CD209: variants seen among roughly 807,000 people sequenced by gnomAD.
The protein encoded by CD209 is CD209 antigen.
A neutral mutation model predicts 44.7 loss-of-function variants in CD209; 31 were observed. The ratio of observed to expected loss-of-function variants is 0.69; its 90% CI spans 0.52 to 0.94. The LOEUF (loss-of-function observed/expected upper bound fraction) is 0.94, where lower values mean the gene tolerates loss of function less well. Among genes scored for constraint, CD209 ranks in the 40% least tolerant of loss-of-function variants. The pLI is 0.00. For missense variants in CD209, 407 were observed against 452.4 expected, an observed-to-expected ratio of 0.90 and a Z score of 0.91; for synonymous variants, 173 against 181.3, an observed-to-expected ratio of 0.95 and a Z score of 0.37.
In CD209 at chr19:7,741,483, C is replaced by T; in HGVS notation, c.*1556G>A. ...CTCCAGCCTGGCGACAGAGCAAGAC[C>T]CCATCTTTAAAAAAAAATAGTAATT... On this transcript the variant is annotated 3_prime_UTR_variant, in exon 7 of 7. Transcript: ENST00000315599. The T allele has an allele frequency of 2.0e-6, 1 of 511,190 alleles. No homozygotes were observed. Among genetic ancestry groups the T allele is most frequent in the Admixed American group, 2.4e-5 (1 of 41,100 alleles). 31.7% of individuals were successfully genotyped at this position (511,190 alleles called of 1,614,324 possible). A position where few individuals can be genotyped will look rare whatever the true frequency, so the allele number is the denominator to read the frequency against.
In CD209 at chr19:7,741,137, A is replaced by C. The variant is rs748005219; in HGVS notation, c.*1902T>G. On this transcript the variant is annotated 3_prime_UTR_variant, in exon 7 of 7. Transcript: ENST00000315599. ...TACAGCGAGGAAGAAACCTACCAAC[A>C]GTTCCTAGATTTCTGTGAGGATGTG... 199 of 1,083,054 alleles carry C rather than the reference A, an allele frequency of 1.8e-4. 1 individual carries two copies. Among genetic ancestry groups the C allele is most frequent in the Non-Finnish European group, 2.5e-4 (183 of 744,914 alleles). 67.1% of individuals were successfully genotyped at this position (1,083,054 alleles called of 1,614,324 possible).
rs1028855436 is a variant in CD209 at position 7,745,369 on chromosome 19, C to A, written c.748+149G>T. On this transcript the variant is annotated intron_variant, in intron 4 of 6. Transcript: ENST00000315599. Reference sequence around the variant, plus strand: ...GAGTGCCTGTTGTGTACCTGGCCCACTGTGAACACTGAGGGCAATGATCAC... The same window carrying A: ...GAGTGCCTGTTGTGTACCTGGCCCAATGTGAACACTGAGGGCAATGATCAC... 1.2e-5 allele frequency: 17 copies of A among 1,470,310 alleles called. No individual in the cohort carries two copies. In the Admixed American group the frequency reaches 1.4e-4, roughly 12 times the overall value. The allele number at this position is 1,470,310 out of a possible 1,614,324, so 91.1% of individuals were successfully genotyped here. A position where few individuals can be genotyped will look rare whatever the true frequency, so the allele number is the denominator to read the frequency against.
At chr19:7,745,380 G>T in intron 4 of CD209, 138 bp downstream of exon 4, 2 of 1,509,380 alleles carry the variant, frequency 1.3e-6, no homozygotes, top group Non-Finnish European at 9.0e-7. Flanking sequence ...TGTGAACACT[G>T]AGGGCAATGA....
intron 6 of CD209, among the ~76,000 whole-genome samples, chr19:7,743,701 C>G (rs985218116): frequency 1.3e-5 from 2 of 152,074 alleles, no homozygotes; most frequent in Non-Finnish European, 2.9e-5. Flanking sequence ...GGCCCACAGT[C>G]CCCCCTCCCC....
chr19:7,744,011 G>A (rs1461848456), intron 6 of CD209, 96 bp downstream of exon 6: 6 of 1,004,454 alleles, frequency 6.0e-6, no homozygotes, highest in Non-Finnish European at 7.8e-6. Context: ...CTTGGGTCTA[G>A]GGTGTCAGGG....
intron 6 of CD209, among the ~76,000 whole-genome samples, chr19:7,743,649 G>T (rs1010478726): frequency 1.3e-5 from 2 of 152,104 alleles, no homozygotes; most frequent in Non-Finnish European, 2.9e-5. Context: ...TGTTCACCTG[G>T]CCTTGACCTT....
In CD209 at chr19:7,745,800, C is replaced by G; in HGVS notation, c.466G>C (p.Ala156Pro). The G allele has an allele frequency of 6.2e-7, 1 of 1,608,606 alleles. No individual in the cohort carries two copies. Among genetic ancestry groups the G allele is most frequent in the South Asian group, 1.1e-5 (1 of 90,952 alleles). Residue 156 changes from alanine (A) to proline (P), a missense_variant, in exon 4 of 7, where the codon GCA (alanine) becomes CCA (proline). Coordinates refer to ENST00000315599, the MANE Select transcript of CD209 (RefSeq NM_021155.4). ...GATTTCTCTGGAAGCTCACCCACTG[C>G]AGCCTTCAGCCAGGTCAGCTCCTGG... is the stretch of plus-strand genomic sequence containing the variant. The part of the protein sequence containing the change: ...IYQELTWLKA[A>P]VGELPEKSKM...
intron 3 of CD209, 60 bp downstream of exon 3, chr19:7,746,400 C>T (rs570217206): frequency 2.6e-6 from 4 of 1,561,812 alleles, no homozygotes; most frequent in South Asian, 1.1e-5. Flanking sequence ...CAGCCCCAGG[C>T]TGTGTCCACA....
At chr19:7,747,026 G>A (rs1421662271) in intron 2 of CD209, among the ~76,000 whole-genome samples, 1 of 147,648 alleles carries the variant, frequency 6.8e-6, no homozygotes, top group Non-Finnish European at 1.5e-5. Flanking sequence ...CACCTCTCCA[G>A]GACCCAGGAG....
Position 7,740,275 on chromosome 19 carries a change from C to A in CD209, c.*2764G>T, listed in dbSNP as rs1383713599. On this transcript the variant is annotated 3_prime_UTR_variant, in exon 7 of 7. Transcript: ENST00000315599. ...CACTTAGGTTCCACGTGGATTTGCACGCTTCGTTCATCTGGACATGCCCAG... is the reference window on the plus strand; with the variant it reads ...CACTTAGGTTCCACGTGGATTTGCAAGCTTCGTTCATCTGGACATGCCCAG... 2 of 438,142 alleles carry A rather than the reference C, an allele frequency of 4.6e-6. No individual in the cohort carries two copies. Among genetic ancestry groups the A allele is most frequent in the Non-Finnish European group, 8.4e-6 (2 of 239,130 alleles). 27.1% of individuals were successfully genotyped at this position (438,142 alleles called of 1,614,324 possible).
In CD209 at chr19:7,743,181, T is replaced by G. The variant is rs767685744; in HGVS notation, c.1073A>C (p.Glu358Ala). ...GTCGTTCCAGCCATTGCCACTAAAT[T>G]CCGCGCAGTCTTCCTCCCCAACGTT... ...PNNVGEEDCA[E>A]FSGNGWNDDK... The change falls in exon 7 of 7, where the codon GAA becomes GCA. Residue 358 changes from glutamate (E) to alanine (A), a missense_variant. Coordinates refer to ENST00000315599, the MANE Select transcript of CD209 (RefSeq NM_021155.4). 2.2e-5 allele frequency: 35 copies of G among 1,614,048 alleles called. No homozygotes were observed. The highest frequency in any genetic ancestry group is 5.5e-5 in the South Asian group (5 of 91,074).
chr19:7,746,144 T>C (rs778970833), intron 3 of CD209, 57 bp from the exon 4 acceptor site: 52 of 1,604,344 alleles, frequency 3.2e-5, no homozygotes, highest in African/African-American at 5.4e-5. Flanking sequence ...GTGCCAAGCC[T>C]TGAACTGAGC....
chr19:7,741,738 C>T lies in CD209; in HGVS notation c.*1301G>A. ...GGTTTATTTGAAATACAACAATGTC[C>T]AAGAGGAAAACACTGCAACTTTCTT... On this transcript the variant is annotated 3_prime_UTR_variant, in exon 7 of 7. Coordinates refer to ENST00000315599, the MANE Select transcript of CD209 (RefSeq NM_021155.4). 1.7e-6 allele frequency: 1 copy of T among 604,046 alleles called. No homozygotes were observed. The highest frequency in any genetic ancestry group is 3.1e-6 in the Non-Finnish European group (1 of 318,384). The allele number at this position is 604,046 out of a possible 1,614,324, so 37.4% of individuals were successfully genotyped here.
chr19:7,744,372 CAT>C, intron 5 of CD209, among the ~76,000 whole-genome samples, 153 bp from the exon 6 acceptor site: 1 of 152,326 alleles, frequency 6.6e-6, no homozygotes, highest in East Asian at 1.9e-4. Flanking sequence ...GTCCCTCTCA[CAT>C]GTGTATCCCA....
Position 7,741,943 on chromosome 19 carries a change from C to A in CD209, c.*1096G>T. On this transcript the variant is annotated 3_prime_UTR_variant, in exon 7 of 7. Transcript: ENST00000315599. The stretch of plus-strand genomic sequence containing the variant: ...CCGAAAGGAAAAGGAAGAAATCTCA[C>A]TAGCACATGTCAAAGAGCCAGGAGA... 2.5e-6 allele frequency: 1 copy of A among 395,280 alleles called. No individual in the cohort carries two copies. Among genetic ancestry groups the A allele is most frequent in the African/African-American group, 2.1e-5 (1 of 46,978 alleles). The allele number at this position is 395,280 out of a possible 1,614,324, so 24.5% of individuals were successfully genotyped here. A position where few individuals can be genotyped will look rare whatever the true frequency, so the allele number is the denominator to read the frequency against.
rs777450783 is a variant in CD209, at chr19:7,744,187, G to T, written c.933C>A (p.Asn311Lys). The T allele has an allele frequency of 6.2e-7, 1 of 1,614,128 alleles. No homozygotes were observed. The highest frequency in any genetic ancestry group is 8.5e-7 in the Non-Finnish European group (1 of 1,179,968). ...CTGAAAGTCCCATCCAGGTGAAGCG[G>T]TTACTTCTGGAAGACTGCAGCTGTA... Reference protein sequence around the residue: ...NFLQLQSSRSNRFTWMGLSDL... With the variant: ...NFLQLQSSRSKRFTWMGLSDL... The change falls in exon 6 of 7, where the codon AAC becomes AAA. Residue 311 changes from asparagine to lysine, a missense_variant. Coordinates refer to ENST00000315599, the MANE Select transcript of CD209 (RefSeq NM_021155.4).
chr19:7,744,908 C>T (rs1217430988), intron 5 of CD209, 33 bp downstream of exon 5: 2 of 1,612,742 alleles, frequency 1.2e-6, no homozygotes, highest in Non-Finnish European at 1.7e-6. Flanking sequence ...AAGCCATGCC[C>T]TAGGCCAGGA....
chr19:7,742,748 C>G lies in CD209; in HGVS notation c.*291G>C. The G allele has an allele frequency of 2.1e-6, 1 of 479,156 alleles. No individual in the cohort carries two copies. The highest frequency in any genetic ancestry group is 3.8e-6 in the Non-Finnish European group (1 of 263,268). 29.7% of individuals were successfully genotyped at this position (479,156 alleles called of 1,614,324 possible). ...TAAGATAACGCCCCAGGGGACATAG[C>G]AGCTACACATGGCAACCCAAATATC... On this transcript the variant is annotated 3_prime_UTR_variant, in exon 7 of 7. Coordinates refer to ENST00000315599, the MANE Select transcript of CD209 (RefSeq NM_021155.4).
At position 7,740,138 on chromosome 19, in the gene CD209, G is replaced by A. The variant is rs550052955; in HGVS notation, c.*2901C>T. The A allele has an allele frequency of 3.0e-4, 57 of 191,910 alleles. No individual in the cohort carries two copies. The South Asian group carries it at 5.9e-3, about 20-fold the overall frequency. The allele number at this position is 191,910 out of a possible 1,614,324, so 11.9% of individuals were successfully genotyped here. A position where few individuals can be genotyped will look rare whatever the true frequency, so the allele number is the denominator to read the frequency against. On this transcript the variant is annotated 3_prime_UTR_variant, in exon 7 of 7. Coordinates refer to ENST00000315599, the MANE Select transcript of CD209 (RefSeq NM_021155.4). Reference sequence around the variant, plus strand: ...GATATGATTGGATCTTGTAATGAGGGGATTCAGGAGGCTTGATCTGACTGG... The same window carrying A: ...GATATGATTGGATCTTGTAATGAGGAGATTCAGGAGGCTTGATCTGACTGG...
Sources: gnomAD v4.1 joint callset for allele counts (sites outside exome capture counted in the v4.1 genomes callset) on GRCh38, gnomAD v4.1.1 for gene constraint, MANE v1.5 for transcripts, NCBI Gene and HGNC (gene_info 2026-07-23, HGNC 2026-07-21) for gene names.